MYCBP2: variants seen among roughly 807,000 people sequenced by gnomAD.
The protein encoded by MYCBP2 is E3 ubiquitin-protein ligase MYCBP2.
In MYCBP2, 120 loss-of-function variants were observed where a neutral mutation model predicts 525.3. The observed-to-expected ratio is 0.23, with a 90% CI of 0.20 to 0.27. The LOEUF (loss-of-function observed/expected upper bound fraction) is 0.27, where lower values mean the gene tolerates loss of function less well. MYCBP2 is among the 10% of genes least tolerant of loss of function. The pLI is 1.00. For missense variants in MYCBP2, 4,149 were observed against 5,657.1 expected, an observed-to-expected ratio of 0.73 and a Z score of 8.55; for synonymous variants, 1,894 against 1,955.8, an observed-to-expected ratio of 0.97 and a Z score of 0.83.
intron 19 of MYCBP2, among the ~76,000 whole-genome samples, chr13:77,225,094 C>G (rs2066072289): frequency 6.6e-6 from 1 of 152,094 alleles, no homozygotes; most frequent in African/African-American, 2.4e-5. Flanking sequence ...ACATTTATCA[C>G]TGAACATTAA....
chr13:77,114,522 T>C (rs575299736), intron 55 of MYCBP2, among the ~76,000 whole-genome samples: 7 of 152,252 alleles, frequency 4.6e-5, no homozygotes, highest in African/African-American at 1.7e-4. Context: ...AGTGTGTTCA[T>C]ATTCTCAAAT....
At chr13:77,206,883 T>C (rs1005573222) in intron 23 of MYCBP2, 58 bp from the exon 24 acceptor site, 1 of 1,387,736 alleles carries the variant, frequency 7.2e-7, no homozygotes, top group Non-Finnish European at 9.6e-7. Context: ...TAAAAAAAAT[T>C]CCTAAAACAT....
At chr13:77,062,553 G>A in intron 74 of MYCBP2, 43 bp downstream of exon 74, 1 of 1,524,312 alleles carries the variant, frequency 6.6e-7, no homozygotes, top group Middle Eastern at 1.7e-4. Context: ...AAAGCTTACT[G>A]TAAAGGAAAG....
chr13:77,183,933 CTTT>C (rs966554230), intron 32 of MYCBP2, among the ~76,000 whole-genome samples: 1 of 152,232 alleles, frequency 6.6e-6, no homozygotes, highest in South Asian at 2.1e-4. Context: ...AGTTTACCAA[CTTT>C]TTTTCTTCAA....
At chr13:77,151,354 G>A (rs2056426793) in intron 46 of MYCBP2, among the ~76,000 whole-genome samples, 1 of 152,202 alleles carries the variant, frequency 6.6e-6, no homozygotes, top group African/African-American at 2.4e-5. Context: ...ACTAATGTCA[G>A]TTTGAGCTGC....
intron 80 of MYCBP2, among the ~76,000 whole-genome samples, chr13:77,052,149 TTCCTTCCC>T (rs2036950889): frequency 6.6e-6 from 1 of 152,164 alleles, no homozygotes; most frequent in African/African-American, 2.4e-5. Flanking sequence ...CCCTCCTACC[TTCCTTCCC>T]TCCTTCCCTT....
rs770832298 is a variant in MYCBP2 at position 77,278,902 on chromosome 13, C to G, written c.604G>C (p.Val202Leu). Reference protein sequence around the residue: ...PPIKLPKIIEVGLCEVFELIK... With the variant: ...PPIKLPKIIELGLCEVFELIK... ...AATTCAAAAACTTCACAAAGGCCAA[C>G]CTCAATAATCTATTTAAAAGGAAAA... Residue 202 changes from valine to leucine, a missense_variant, in exon 4 of 83, where the codon GTT becomes CTT. Around this residue, in one of 21 missense-constraint regions of MYCBP2, gnomAD observed 413 missense variants for 451.2 expected, o/e 0.92. Transcript: ENST00000544440. 1.7e-5 allele frequency: 26 copies of G among 1,567,368 alleles called. No homozygotes were observed. The Middle Eastern group carries it at 1.0e-3, about 62-fold the overall frequency.
At chr13:77,085,236 A>T (rs1419937270) in intron 62 of MYCBP2, among the ~76,000 whole-genome samples, 1 of 152,016 alleles carries the variant, frequency 6.6e-6, no homozygotes, top group African/African-American at 2.4e-5. Context: ...TTTCCCTATA[A>T]ATATTTTTCT....
At chr13:77,145,461 C>G (rs779520457) in intron 48 of MYCBP2, among the ~76,000 whole-genome samples, 1 of 152,076 alleles carries the variant, frequency 6.6e-6, no homozygotes, top group Non-Finnish European at 1.5e-5. Context: ...TCTACCTATG[C>G]CATCTATCTA....
chr13:77,168,355 C>A, intron 40 of MYCBP2, 73 bp downstream of exon 40: 1 of 1,246,154 alleles, frequency 8.0e-7, no homozygotes, highest in South Asian at 1.3e-5. Flanking sequence ...ACAGGCCAGG[C>A]ATTCTTTAAG....
intron 26 of MYCBP2, among the ~76,000 whole-genome samples, chr13:77,200,112 C>G (rs968993504): frequency 6.6e-6 from 1 of 151,942 alleles, no homozygotes; most frequent in Non-Finnish European, 1.5e-5. Context: ...GGAGGACATT[C>G]AAACCAAAGG....
At chr13:77,157,648 G>A (rs1237309735) in intron 45 of MYCBP2, among the ~76,000 whole-genome samples, 1 of 152,044 alleles carries the variant, frequency 6.6e-6, no homozygotes. Context: ...TACCTGGGAG[G>A]CTGAGGCACA....
chr13:77,251,636 A>T (rs2154329606), intron 14 of MYCBP2, among the ~76,000 whole-genome samples: 1 of 152,162 alleles, frequency 6.6e-6, no homozygotes, highest in Admixed American at 6.5e-5. Flanking sequence ...CCTGTTTTCC[A>T]TCCTCACTAC....
At chr13:77,199,412 T>C (rs1179634589) in intron 26 of MYCBP2, among the ~76,000 whole-genome samples, 2 of 152,204 alleles carry the variant, frequency 1.3e-5, no homozygotes, top group Non-Finnish European at 2.9e-5. Context: ...GTCTCGCTGA[T>C]TGCTAGCACA....
intron 76 of MYCBP2, among the ~76,000 whole-genome samples, chr13:77,060,567 A>T (rs1028039738): frequency 6.6e-6 from 1 of 152,224 alleles, no homozygotes; most frequent in African/African-American, 2.4e-5. Context: ...AATATACAAG[A>T]TTTACTTTAG....
At chr13:77,256,873 A>C (rs2154334702) in intron 14 of MYCBP2, among the ~76,000 whole-genome samples, 1 of 152,260 alleles carries the variant, frequency 6.6e-6, no homozygotes, top group African/African-American at 2.4e-5. Context: ...CAACAATCCC[A>C]CTGCTATGGA....
At chr13:77,127,374 T>C (rs1293321032) in intron 52 of MYCBP2, among the ~76,000 whole-genome samples, 1 of 152,006 alleles carries the variant, frequency 6.6e-6, no homozygotes, top group Non-Finnish European at 1.5e-5. Flanking sequence ...TTGTTTCCTA[T>C]GTGAATGTAA....
At chr13:77,178,011 C>G (rs2059870293) in intron 34 of MYCBP2, 57 bp from the exon 35 acceptor site, 1 of 1,044,370 alleles carries the variant, frequency 9.6e-7, no homozygotes, top group Non-Finnish European at 1.5e-6. Context: ...CAAAACCATC[C>G]AAAGGTTTCT....
At chr13:77,073,295 G>C (rs1013263945) in intron 68 of MYCBP2, among the ~76,000 whole-genome samples, 18 of 152,034 alleles carry the variant, frequency 1.2e-4, no homozygotes, top group Non-Finnish European at 1.9e-4. Context: ...CTGTGCTCTT[G>C]TCTGGGTGAC....
Sources: allele counts gnomAD v4.1 joint callset (sites outside exome capture counted in the v4.1 genomes callset), GRCh38; gene constraint gnomAD v4.1.1; regional missense constraint gnomAD v4.1.1; transcripts MANE v1.5; gene names NCBI Gene and HGNC (gene_info 2026-07-23, HGNC 2026-07-21).